Variants in CCDC88C observed in about 807,000 individuals in gnomAD.
CCDC88C encodes the protein protein Daple.
A neutral mutation model predicts 198.8 loss-of-function variants in CCDC88C; 131 were observed. The ratio of observed to expected loss-of-function variants is 0.66; its 90% CI spans 0.57 to 0.76. The LOEUF (loss-of-function observed/expected upper bound fraction) is 0.76. Among genes scored for constraint, CCDC88C ranks in the 30% least tolerant of loss-of-function variants. The pLI, the probability that CCDC88C is intolerant of heterozygous loss-of-function variation, is 0.00. For synonymous variants in CCDC88C, 1,166 were observed against 1,114.7 expected (o/e 1.05, Z -0.92); for missense variants, 2,553 against 2,631.6 (o/e 0.97, Z 0.65).
At position 91,313,319 on chromosome 14, in the gene CCDC88C, CCTT is replaced by C. The variant is rs1567069158; in HGVS notation, c.2494_2496del (p.Lys832del). 2 of 1,613,648 alleles carry C rather than the reference CCTT, an allele frequency of 1.2e-6. No individual in the cohort carries two copies. Among genetic ancestry groups the C allele is most frequent in the Non-Finnish European group, 1.7e-6 (2 of 1,179,886 alleles). On this transcript the variant is annotated inframe_deletion, in exon 15 of 30. Transcript: ENST00000389857. The surrounding 1 kb of genome is among the most constrained non-coding windows in gnomAD (Gnocchi z 5.2). The stretch of plus-strand genomic sequence containing the variant: ...GCCTCCTTCTCCAGCAGCTTCTTAT[CCTT>C]CTCGAGCTGGGCCACCTCCTGCTCC...
At chr14:91,396,468 C>G (rs1241803382) in intron 3 of CCDC88C, among the ~76,000 whole-genome samples, 2 of 152,174 alleles carry the variant, frequency 1.3e-5, no homozygotes, top group Non-Finnish European at 2.9e-5. Flanking sequence ...TCATTCACGC[C>G]CGCATCACTC....
At chr14:91,323,833 C>T (rs533688588) in intron 12 of CCDC88C, among the ~76,000 whole-genome samples, 1 of 152,350 alleles carries the variant, frequency 6.6e-6, no homozygotes, top group African/African-American at 2.4e-5. Flanking sequence ...AGCCCTCAGG[C>T]CCCAGAACTA....
intron 2 of CCDC88C, among the ~76,000 whole-genome samples, chr14:91,414,610 T>C (rs1428625699): frequency 1.3e-5 from 2 of 152,182 alleles, no homozygotes; most frequent in Non-Finnish European, 2.9e-5. Flanking sequence ...TTCTATCACC[T>C]GGAACTGGGT....
intron 4 of CCDC88C, among the ~76,000 whole-genome samples, chr14:91,350,968 C>T (rs968273589): frequency 3.3e-5 from 5 of 152,172 alleles, no homozygotes; most frequent in African/African-American, 9.7e-5. Flanking sequence ...GTCCCCGGGT[C>T]CACCACTACC....
In CCDC88C at chr14:91,272,742, G is replaced by T. The variant is rs770380716; in HGVS notation, c.5970C>A (p.Pro1990=). 1.2e-6 allele frequency: 2 copies of T among 1,609,248 alleles called. No individual in the cohort carries two copies. The highest frequency in any genetic ancestry group is 8.5e-7 in the Non-Finnish European group (1 of 1,179,224). ...AGTCCTCCAGGGCCCGGCCGAGGTG[G>T]GGAGCCAAATCGGGAGACCGACCTG... ...KSPGRSPDLA[P]HLGRALEDCS... is the part of the protein sequence containing the mutation. Residue 1990 remains proline, a synonymous_variant, in exon 30 of 30, where the codon CCC becomes CCA. Transcript: ENST00000389857.
intron 22 of CCDC88C, among the ~76,000 whole-genome samples, chr14:91,295,151 T>G (rs1167609109): frequency 6.6e-6 from 1 of 152,180 alleles, no homozygotes; most frequent in African/African-American, 2.4e-5. Flanking sequence ...TCCCCTCCTC[T>G]TCACCCCATA....
At chr14:91,295,702 C>T (rs1169938213) in intron 22 of CCDC88C, among the ~76,000 whole-genome samples, 1 of 152,182 alleles carries the variant, frequency 6.6e-6, no homozygotes, top group Non-Finnish European at 1.5e-5. Flanking sequence ...AGCACGGCTC[C>T]GAGCACAGCC....
chr14:91,375,175 C>T (rs1211112518), intron 3 of CCDC88C, among the ~76,000 whole-genome samples: 2 of 152,156 alleles, frequency 1.3e-5, no homozygotes, highest in Non-Finnish European at 2.9e-5. Flanking sequence ...TCTCCCAGGG[C>T]CTGGCACACA....
At chr14:91,383,700 G>C (rs990985524) in intron 3 of CCDC88C, among the ~76,000 whole-genome samples, 3 of 152,270 alleles carry the variant, frequency 2.0e-5, no homozygotes, top group African/African-American at 7.2e-5. Context: ...CCATTCCTGG[G>C]GAAAGCAAGC....
intron 4 of CCDC88C, among the ~76,000 whole-genome samples, chr14:91,348,238 T>G (rs1284546603): frequency 6.6e-6 from 1 of 150,414 alleles, no homozygotes; most frequent in Non-Finnish European, 1.5e-5. Context: ...ACTCCTGACC[T>G]CAAGTGATCT....
At chr14:91,393,808 C>T (rs144506935) in intron 3 of CCDC88C, among the ~76,000 whole-genome samples, 2,378 of 152,224 alleles carry the variant, frequency 0.016, 57 homozygotes, top group African/African-American at 0.047. Context: ...GAGCCGAGAT[C>T]GCACCACTGC....
At chr14:91,285,430 G>A (rs1470830153) in intron 25 of CCDC88C, 5 of 413,710 alleles carry the variant, frequency 1.2e-5, no homozygotes, top group South Asian at 6.4e-5. Context: ...ACATGTGCAC[G>A]TATATCCTGA....
Position 91,313,425 on chromosome 14 carries a change from C to G in CCDC88C, c.2391G>C (p.Gln797His), listed in dbSNP as rs1291409151. Residue 797 changes from glutamine to histidine, a missense_variant, in exon 15 of 30, where the codon CAG becomes CAC. Gln to His is a conservative substitution (Grantham distance 24). Transcript: ENST00000389857. The surrounding 1 kb of genome is among the most constrained non-coding windows in gnomAD (Gnocchi z 5.2). ...SELGELEAER[Q>H]ALRRDLEALR... ...GGGCCTCCAGGTCCCGCCGCAGCGC[C>G]TGGCGCTCAGCCTCCAGCTCGCCCA... 6.2e-7 allele frequency: 1 copy of G among 1,607,618 alleles called. No individual in the cohort carries two copies. The highest frequency in any genetic ancestry group is 8.5e-7 in the Non-Finnish European group (1 of 1,179,684).
At position 91,299,909 on chromosome 14, in the gene CCDC88C, C is replaced by T. The variant is rs747086244; in HGVS notation, c.3779+18G>A. On this transcript the variant is annotated intron_variant, in intron 21 of 29. Coordinates refer to ENST00000389857, the MANE Select transcript of CCDC88C (RefSeq NM_001080414.4). Reference sequence around the variant, plus strand: ...ATCTGGGGTGCTGCTATGTGCAGGGCCGGGCGCCGGCGCTCACCTGTCCAG... The same window carrying T: ...ATCTGGGGTGCTGCTATGTGCAGGGTCGGGCGCCGGCGCTCACCTGTCCAG... 152 of 1,572,502 alleles carry T rather than the reference C, an allele frequency of 9.7e-5. No homozygotes were observed. The highest frequency in any genetic ancestry group is 3.9e-5 in the Non-Finnish European group (45 of 1,165,342).
At chr14:91,401,557 T>A (rs1886206806) in intron 3 of CCDC88C, among the ~76,000 whole-genome samples, 1 of 151,680 alleles carries the variant, frequency 6.6e-6, no homozygotes, top group African/African-American at 2.4e-5. Flanking sequence ...GGATGGTCTC[T>A]ATCTCCTGAC....
chr14:91,314,070 C>T lies in CCDC88C; in HGVS notation c.1746G>A (p.Glu582=), dbSNP rs375084832. 1.2e-6 allele frequency: 2 copies of T among 1,613,902 alleles called. No homozygotes were observed. The highest frequency in any genetic ancestry group is 1.7e-6 in the Non-Finnish European group (2 of 1,179,886). The change falls in exon 15 of 30, where the codon GAG becomes GAA. Residue 582 remains glutamate (E), a synonymous_variant. Transcript: ENST00000389857. Reference sequence around the variant, plus strand: ...CCTTCTCCACGTCTTTCATGCGGGCCTCACTGCTGACCTGCGACCTCTCCC... The same window carrying T: ...CCTTCTCCACGTCTTTCATGCGGGCTTCACTGCTGACCTGCGACCTCTCCC... ...SLRERSQVSS[E]ARMKDVEKEN...
At chr14:91,287,400 G>A (rs186406324) in intron 25 of CCDC88C, among the ~76,000 whole-genome samples, 16 of 152,250 alleles carry the variant, frequency 1.1e-4, no homozygotes, top group Admixed American at 7.2e-4. Context: ...ACCCAGGCTG[G>A]AGTACAGTGG....
intron 3 of CCDC88C, among the ~76,000 whole-genome samples, chr14:91,406,591 C>T (rs563194564): frequency 3.3e-5 from 5 of 152,380 alleles, no homozygotes; most frequent in Admixed American, 3.3e-4. Context: ...GGGGTCTTGC[C>T]TCTTGAACTT....
rs765835232 is a variant in CCDC88C, at chr14:91,299,940, C to G, written c.3766G>C (p.Gly1256Arg). ...LAMGENQRLR[G>R]ELDRVNFLHH... ...GCCGGCGCTCACCTGTCCAGCTCGCCCCGCAGCCTCTGGTTCTCGCCCATG... is the reference window on the plus strand; with the variant it reads ...GCCGGCGCTCACCTGTCCAGCTCGCGCCGCAGCCTCTGGTTCTCGCCCATG... Residue 1256 changes from glycine to arginine, a missense_variant, in exon 21 of 30, where the codon GGC becomes CGC. Around this residue, in one of 2 missense-constraint regions of CCDC88C, gnomAD observed 1,293 missense variants for 1,219.6 expected, o/e 1.06. Coordinates refer to ENST00000389857, the MANE Select transcript of CCDC88C (RefSeq NM_001080414.4). The G allele has an allele frequency of 1.1e-5, 18 of 1,588,662 alleles. No homozygotes were observed. In the South Asian group the frequency reaches 1.9e-4, roughly 17 times the overall value.
Sources: gnomAD v4.1 joint callset for allele counts (sites outside exome capture counted in the v4.1 genomes callset) on GRCh38, gnomAD v4.1.1 for gene constraint, gnomAD v4.1.1 regional missense constraint, Gnocchi (gnomAD v3.1) non-coding constraint, MANE v1.5 for transcripts, NCBI Gene and HGNC (gene_info 2026-07-23, HGNC 2026-07-21) for gene names.